Variants in UNC13C observed in about 807,000 individuals in gnomAD.
UNC13C encodes protein unc-13 homolog C.
UNC13C carries 174 observed loss-of-function variants against 245.4 expected under a neutral mutation model. That is an observed-to-expected ratio of 0.71 (90% CI 0.63 to 0.80). The LOEUF is 0.80. Ranked by LOEUF, UNC13C falls within the 30% of genes least tolerant of loss-of-function variation. The pLI, the probability that UNC13C is intolerant of heterozygous loss-of-function variation, is 0.00. For synonymous variants in UNC13C, 992 were observed against 895.1 expected, an observed-to-expected ratio of 1.11 and a Z score of -1.93; for missense variants, 2,829 against 2,602.9, an observed-to-expected ratio of 1.09 and a Z score of -1.89.
chr15:54,357,944 C>T (rs2039135048), intron 17 of UNC13C, among the ~76,000 whole-genome samples: 1 of 152,020 alleles, frequency 6.6e-6, no homozygotes, highest in Non-Finnish European at 1.5e-5. Context: ...GCCCAAAAGC[C>T]AGTGAGACTT....
chr15:54,627,217 T>TACTC lies in UNC13C; in HGVS notation c.*106_*109dup. 1.2e-5 allele frequency: 14 copies of TACTC among 1,176,856 alleles called. No homozygotes were observed. Among genetic ancestry groups the TACTC allele is most frequent in the Non-Finnish European group, 1.6e-5 (14 of 856,830 alleles). The allele number at this position is 1,176,856 out of a possible 1,614,324, so 72.9% of individuals were successfully genotyped here. A position where few individuals can be genotyped will look rare whatever the true frequency, so the allele number is the denominator to read the frequency against. On this transcript the variant is annotated 3_prime_UTR_variant, in exon 33 of 33. Coordinates refer to ENST00000260323, the MANE Select transcript of UNC13C (RefSeq NM_001080534.3). ...TTCACTACATTTCAATGTTTGCCAGTACTCATGTACGATGTCTACAAGGTA... is the reference window on the plus strand; with the variant it reads ...TTCACTACATTTCAATGTTTGCCAGTACTCACTCATGTACGATGTCTACAAGGTA...
chr15:54,048,478 T>G (rs1445143497), intron 2 of UNC13C: 2 of 607,870 alleles, frequency 3.3e-6, no homozygotes, highest in African/African-American at 3.7e-5. Flanking sequence ...CCTGAAGAAG[T>G]GCTATTTCAG....
chr15:54,226,978 A>T (rs1355753047), intron 4 of UNC13C, among the ~76,000 whole-genome samples: 2 of 152,100 alleles, frequency 1.3e-5, no homozygotes, highest in Non-Finnish European at 1.5e-5. Flanking sequence ...AGGGAAGGGT[A>T]GGGGGCATGT....
At chr15:54,318,234 T>C (rs900175732) in intron 13 of UNC13C, among the ~76,000 whole-genome samples, 10 of 151,990 alleles carry the variant, frequency 6.6e-5, no homozygotes, top group African/African-American at 2.4e-4. Flanking sequence ...TATTTGTAGA[T>C]ATATCCATTA....
At chr15:53,944,382 A>AT in the UNC13C span, among the ~76,000 whole-genome samples, 95 of 151,942 alleles carry the variant, frequency 6.3e-4, no homozygotes, top group Middle Eastern at 3.4e-3. Context: ...CCCAATGGTT[A>AT]TTTTTTCTGA....
At chr15:54,059,979 A>G (rs576495912) in intron 2 of UNC13C, among the ~76,000 whole-genome samples, 1 of 152,362 alleles carries the variant, frequency 6.6e-6, no homozygotes, top group African/African-American at 2.4e-5. Context: ...AGATGGATTA[A>G]AGACTTACAT....
chr15:54,014,951 T>C lies in UNC13C; in HGVS notation c.2048T>C (p.Leu683Pro), dbSNP rs768523149. 6.2e-7 allele frequency: 1 copy of C among 1,613,886 alleles called. No homozygotes were observed. The highest frequency in any genetic ancestry group is 1.1e-5 in the South Asian group (1 of 91,080). ...GGTTTTGATTATGAAACAAACAGTC[T>C]TTTTGACCAACAGCTTGATGTTTAC... ...QEGFDYETNS[L>P]FDQQLDVYNK... is the part of the protein sequence containing the mutation. The change falls in exon 2 of 33, where the codon CTT (leucine) becomes CCT (proline). Residue 683 changes from leucine to proline, a missense_variant. By Grantham distance (98) the Leu-to-Pro change is moderately conservative (BLOSUM62 -3). Coordinates refer to ENST00000260323, the MANE Select transcript of UNC13C (RefSeq NM_001080534.3).
At chr15:54,590,643 A>G (rs1235426772) in intron 30 of UNC13C, among the ~76,000 whole-genome samples, 2 of 152,184 alleles carry the variant, frequency 1.3e-5, no homozygotes, top group Non-Finnish European at 2.9e-5. Context: ...CATTAATCAC[A>G]TATCCACAAA....
chr15:54,624,711 C>G (rs1395051484), intron 32 of UNC13C, among the ~76,000 whole-genome samples: 3 of 151,996 alleles, frequency 2.0e-5, no homozygotes, highest in Admixed American at 2.0e-4. Flanking sequence ...TAACCGGATC[C>G]TAGTAGGGAG....
intron 17 of UNC13C, among the ~76,000 whole-genome samples, chr15:54,340,924 A>C (rs2038713072): frequency 1.3e-5 from 2 of 152,216 alleles, no homozygotes; most frequent in African/African-American, 4.8e-5. Flanking sequence ...ATAAACATTC[A>C]GAATGGCTAT....
chr15:54,477,261 C>T (rs1892802751), intron 19 of UNC13C, among the ~76,000 whole-genome samples: 3 of 111,984 alleles, frequency 2.7e-5, no homozygotes, highest in Admixed American at 9.2e-5. Flanking sequence ...CAAACAGGGA[C>T]AATTTGACTT....
chr15:54,630,404 T>C (rs986375348), downstream of UNC13C: 26 of 152,192 alleles, frequency 1.7e-4, no homozygotes, highest in Non-Finnish European at 3.1e-4. Flanking sequence ...AAACAATGCG[T>C]GAAACAAGAT....
At chr15:54,247,707 A>G (rs993169376) in intron 7 of UNC13C, among the ~76,000 whole-genome samples, 1 of 150,896 alleles carries the variant, frequency 6.6e-6, no homozygotes, top group Non-Finnish European at 1.5e-5. Flanking sequence ...AAATATTGGG[A>G]TTTGTTTCAG....
chr15:54,167,515 A>G (rs1480523781), intron 4 of UNC13C, among the ~76,000 whole-genome samples: 22 of 147,168 alleles, frequency 1.5e-4, no homozygotes, highest in Admixed American at 2.7e-4. Flanking sequence ...AAAAAAAAAA[A>G]AAAAGAAAAG....
chr15:54,105,847 A>AT (rs770628803), intron 2 of UNC13C, among the ~76,000 whole-genome samples: 6 of 152,268 alleles, frequency 3.9e-5, no homozygotes, highest in South Asian at 2.1e-4. Flanking sequence ...AACAAGTAGG[A>AT]TAAAAAGTAT....
At chr15:53,865,583 T>A in the UNC13C span, among the ~76,000 whole-genome samples, 1 of 152,182 alleles carries the variant, frequency 6.6e-6, no homozygotes, top group Non-Finnish European at 1.5e-5. Flanking sequence ...GGCTTATAGG[T>A]GTTGGGTGTT....
chr15:53,916,465 G>A, the UNC13C span, among the ~76,000 whole-genome samples: 1 of 152,192 alleles, frequency 6.6e-6, no homozygotes. Context: ...GAAAGGATGA[G>A]GGGAAGCAGC....
chr15:53,952,709 A>G, the UNC13C span, among the ~76,000 whole-genome samples: 1 of 152,212 alleles, frequency 6.6e-6, no homozygotes, highest in Non-Finnish European at 1.5e-5. Context: ...CTGTGCTGGC[A>G]CTTGATTGAA....
chr15:54,029,367 T>C (rs1006653027), intron 2 of UNC13C, among the ~76,000 whole-genome samples: 1 of 152,238 alleles, frequency 6.6e-6, no homozygotes, highest in Non-Finnish European at 1.5e-5. Context: ...AGAAGGCACA[T>C]GATACAAACA....
Sources: allele counts gnomAD v4.1 joint callset (sites outside exome capture counted in the v4.1 genomes callset), GRCh38; gene constraint gnomAD v4.1.1; transcripts MANE v1.5; gene names NCBI Gene and HGNC (gene_info 2026-07-23, HGNC 2026-07-21).